Variants in LMBR1 observed in about 807,000 individuals in gnomAD.
LMBR1 encodes limb region 1 protein homolog.
A neutral mutation model predicts 73.9 loss-of-function variants in LMBR1; 52 were observed. The observed-to-expected ratio is 0.70, with a 90% CI of 0.56 to 0.89. The LOEUF (loss-of-function observed/expected upper bound fraction) is 0.89. Ranked by LOEUF, LMBR1 falls within the 40% of genes least tolerant of loss-of-function variation. LMBR1 has a pLI of 0.00. For synonymous variants in LMBR1, 215 were observed against 209.4 expected (o/e 1.03, Z -0.23); for missense variants, 539 against 579.8 (o/e 0.93, Z 0.72).
intron 1 of LMBR1, among the ~76,000 whole-genome samples, chr7:156,842,548 A>C (rs1838908796): frequency 6.6e-6 from 1 of 152,150 alleles, no homozygotes; most frequent in Non-Finnish European, 1.5e-5. Flanking sequence ...AGAAAGAAAA[A>C]CAGGCAGTTA....
At chr7:156,831,003 T>A (rs1010163885) in intron 3 of LMBR1, among the ~76,000 whole-genome samples, 6 of 152,022 alleles carry the variant, frequency 3.9e-5, no homozygotes, top group African/African-American at 1.5e-4. Context: ...AAACTAAAGA[T>A]GATAAGTGTT....
intron 1 of LMBR1, among the ~76,000 whole-genome samples, chr7:156,863,574 A>G (rs919030091): frequency 2.6e-5 from 4 of 152,170 alleles, no homozygotes; most frequent in African/African-American, 9.7e-5. Flanking sequence ...AAATTTGCTT[A>G]TGTTCGATTT....
At chr7:156,777,551 A>T (rs909147251) in intron 5 of LMBR1, among the ~76,000 whole-genome samples, 1 of 152,258 alleles carries the variant, frequency 6.6e-6, no homozygotes, top group Non-Finnish European at 1.5e-5. Context: ...GTTCCTGAGC[A>T]TCAACCACAA....
chr7:156,734,281 G>A, intron 9 of LMBR1, 24 bp from the exon 10 acceptor site: 2 of 1,533,240 alleles, frequency 1.3e-6, no homozygotes, highest in Non-Finnish European at 1.8e-6. Flanking sequence ...AAAATATTTA[G>A]AAGTAAAACA....
At chr7:156,714,921 C>T (rs1459520442) in intron 15 of LMBR1, among the ~76,000 whole-genome samples, 1 of 151,700 alleles carries the variant, frequency 6.6e-6, no homozygotes, top group Non-Finnish European at 1.5e-5. Flanking sequence ...TGAGTATCTA[C>T]TGAGTAAAAG....
intron 1 of LMBR1, among the ~76,000 whole-genome samples, chr7:156,849,807 G>C (rs1053745638): frequency 6.6e-6 from 1 of 152,092 alleles, no homozygotes; most frequent in Admixed American, 6.5e-5. Flanking sequence ...CACCACCAGA[G>C]TGAACACTAA....
chr7:156,823,564 A>C (rs934696574), intron 4 of LMBR1: 1 of 152,214 alleles, frequency 6.6e-6, no homozygotes, highest in Non-Finnish European at 1.5e-5. Flanking sequence ...GGAACAACTC[A>C]GCTGTTTTCT....
At chr7:156,686,122 C>T (rs370631025) in intron 16 of LMBR1, among the ~76,000 whole-genome samples, 3 of 152,112 alleles carry the variant, frequency 2.0e-5, no homozygotes, top group South Asian at 2.1e-4. Context: ...AGGATCACTG[C>T]GGTACCCACT....
intron 14 of LMBR1, among the ~76,000 whole-genome samples, chr7:156,724,964 T>A (rs1351144425): frequency 6.6e-6 from 1 of 152,212 alleles, no homozygotes; most frequent in Non-Finnish European, 1.5e-5. Flanking sequence ...CTGAACCCAA[T>A]GACATGTTGT....
intron 5 of LMBR1, among the ~76,000 whole-genome samples, chr7:156,769,473 C>G (rs1824772730): frequency 6.6e-6 from 1 of 152,198 alleles, no homozygotes; most frequent in African/African-American, 2.4e-5. Context: ...CATCCACCAC[C>G]AGATCTGAAG....
At chr7:156,812,544 T>C (rs1441122716) in intron 4 of LMBR1, among the ~76,000 whole-genome samples, 1 of 152,100 alleles carries the variant, frequency 6.6e-6, no homozygotes, top group African/African-American at 2.4e-5. Context: ...AGGGCCTCAG[T>C]CCTAAAACTA....
intron 4 of LMBR1, among the ~76,000 whole-genome samples, chr7:156,807,264 C>T (rs1832308954): frequency 6.6e-6 from 1 of 152,190 alleles, no homozygotes; most frequent in African/African-American, 2.4e-5. Context: ...AATGTTCCCA[C>T]ATCTTCAATT....
At chr7:156,748,002 A>G (rs966104788) in intron 9 of LMBR1, 17 of 152,230 alleles carry the variant, frequency 1.1e-4, no homozygotes, top group African/African-American at 3.9e-4. Flanking sequence ...TCAAATCTCT[A>G]ATGTATCTAT....
chr7:156,875,297 C>T (rs1237482701), intron 1 of LMBR1, among the ~76,000 whole-genome samples: 2 of 151,992 alleles, frequency 1.3e-5, no homozygotes, highest in African/African-American at 4.8e-5. Flanking sequence ...AAATGAACAA[C>T]GCCTCCAAGA....
chr7:156,751,779 A>G (rs1820942973), intron 9 of LMBR1, among the ~76,000 whole-genome samples: 1 of 152,224 alleles, frequency 6.6e-6, no homozygotes, highest in Non-Finnish European at 1.5e-5. Context: ...TGTCACCTGT[A>G]GAGAAGGGCC....
intron 5 of LMBR1, among the ~76,000 whole-genome samples, chr7:156,775,844 A>G (rs1193879764): frequency 6.6e-6 from 1 of 151,884 alleles, no homozygotes; most frequent in Non-Finnish European, 1.5e-5. Context: ...ATCTGATTTC[A>G]GTTTATGAGA....
intron 1 of LMBR1, among the ~76,000 whole-genome samples, chr7:156,871,168 C>G (rs1226425096): frequency 1.3e-5 from 2 of 151,970 alleles, no homozygotes; most frequent in Non-Finnish European, 2.9e-5. Flanking sequence ...CAGCCATATG[C>G]CAACAAACTG....
intron 1 of LMBR1, among the ~76,000 whole-genome samples, chr7:156,892,075 G>A (rs1803100406): frequency 6.6e-6 from 1 of 152,228 alleles, no homozygotes; most frequent in Non-Finnish European, 1.5e-5. Flanking sequence ...AGAGCATCAT[G>A]AAAAGATAAA....
intron 1 of LMBR1, among the ~76,000 whole-genome samples, chr7:156,884,080 A>G (rs962596883): frequency 1.3e-5 from 2 of 152,212 alleles, no homozygotes; most frequent in Admixed American, 6.5e-5. Flanking sequence ...TTGCTCTTCT[A>G]TGTTAGAAAA....
Sources: allele counts gnomAD v4.1 joint callset (sites outside exome capture counted in the v4.1 genomes callset), GRCh38; gene constraint gnomAD v4.1.1; transcripts MANE v1.5; gene names NCBI Gene and HGNC (gene_info 2026-07-23, HGNC 2026-07-21).